ATP8B4: variants seen among roughly 807,000 people sequenced by gnomAD.
ATP8B4 encodes the protein probable phospholipid-transporting ATPase IM.
Under a neutral mutation model 145.6 loss-of-function variants are expected in ATP8B4, and 133 were observed. That is an observed-to-expected ratio of 0.91 (90% CI 0.79 to 1.05). The LOEUF (loss-of-function observed/expected upper bound fraction) is 1.05. Ranked by LOEUF, ATP8B4 falls within the 50% of genes least tolerant of loss-of-function variation. The probability of loss-of-function intolerance (pLI) is 0.00; values close to 1 mark genes in which losing one functional copy is unlikely to be tolerated. For missense variants in ATP8B4, 1,458 were observed against 1,425.2 expected (o/e 1.02, Z -0.37); for synonymous variants, 507 against 492.9 (o/e 1.03, Z -0.38).
At chr15:50,005,501 A>G (rs2048232117) in intron 7 of ATP8B4, among the ~76,000 whole-genome samples, 1 of 152,086 alleles carries the variant, frequency 6.6e-6, no homozygotes, top group Non-Finnish European at 1.5e-5. Flanking sequence ...CATTGTATGG[A>G]TGAGGAACCC....
intron 19 of ATP8B4, chr15:49,917,396 T>G (rs1171602907): frequency 5.6e-6 from 1 of 179,516 alleles, no homozygotes; most frequent in African/African-American, 2.4e-5. Context: ...GTCTGAATAC[T>G]GTCTTGGGAG....
intron 23 of ATP8B4, among the ~76,000 whole-genome samples, chr15:49,890,776 AAG>A (rs2036700207): frequency 6.6e-6 from 1 of 152,234 alleles, no homozygotes. Flanking sequence ...GGGAATGGAA[AAG>A]AGACAATGAT....
intron 23 of ATP8B4, among the ~76,000 whole-genome samples, chr15:49,881,345 C>G (rs1267013848): frequency 6.6e-6 from 1 of 152,138 alleles, no homozygotes; most frequent in Non-Finnish European, 1.5e-5. Flanking sequence ...AGTATATTAA[C>G]TGTCTTTTAT....
chr15:49,859,914 A>T lies in ATP8B4; in HGVS notation c.*280T>A, dbSNP rs763418110. 37 of 369,636 alleles carry T rather than the reference A, an allele frequency of 1.0e-4. No homozygotes were observed. Among genetic ancestry groups the T allele is most frequent in the Non-Finnish European group, 1.7e-4 (35 of 208,160 alleles). 22.9% of individuals were successfully genotyped at this position (369,636 alleles called of 1,614,324 possible). A position where few individuals can be genotyped will look rare whatever the true frequency, so the allele number is the denominator to read the frequency against. On this transcript the variant is annotated 3_prime_UTR_variant, in exon 28 of 28. Coordinates refer to ENST00000284509, the MANE Select transcript of ATP8B4 (RefSeq NM_024837.4). ...TAAATAAGATTCTAAAGTTCAGGTC[A>T]ATTGGTATCTAGGTTGATTTAAAAA...
In ATP8B4 at chr15:50,003,498, G is replaced by T. The variant is rs147727289; in HGVS notation, c.436-1275C>A. On this transcript the variant is annotated intron_variant, in intron 7 of 27. Transcript: ENST00000284509. ...AACAGAGGAAAGCCACATAAAGAAAGTGATGCCGCTCTTGGGCCAAAAACT... is the reference window on the plus strand; with the variant it reads ...AACAGAGGAAAGCCACATAAAGAAATTGATGCCGCTCTTGGGCCAAAAACT... 3.4e-4 allele frequency among the ~76,000 whole-genome samples: 52 copies of T among 152,148 alleles called. No individual in the cohort carries two copies. In the East Asian group the frequency reaches 9.7e-3, roughly 28 times the overall value.
intron 20 of ATP8B4, among the ~76,000 whole-genome samples, chr15:49,907,655 G>T (rs1432407265): frequency 1.3e-5 from 2 of 152,206 alleles, no homozygotes; most frequent in Non-Finnish European, 2.9e-5. Context: ...ATAAGATATA[G>T]AGTAGATATT....
At chr15:50,029,097 GTGGCACACGCC>G in intron 6 of ATP8B4, among the ~76,000 whole-genome samples, 1 of 152,028 alleles carries the variant, frequency 6.6e-6, no homozygotes, top group African/African-American at 2.4e-5. Flanking sequence ...GCCAGGCTTG[GTGGCACACGCC>G]TGTAGTCCCA....
chr15:50,103,849 C>T (rs1398200087), intron 2 of ATP8B4, among the ~76,000 whole-genome samples: 1 of 151,982 alleles, frequency 6.6e-6, no homozygotes, highest in African/African-American at 2.4e-5. Context: ...AGGCCCTAGG[C>T]ACCAAAACAG....
At chr15:49,923,882 C>A (rs2040477585) in intron 16 of ATP8B4, among the ~76,000 whole-genome samples, 1 of 152,128 alleles carries the variant, frequency 6.6e-6, no homozygotes, top group African/African-American at 2.4e-5. Context: ...ACCTGCTGTT[C>A]AAATCAGTAT....
At chr15:49,870,445 C>T (rs1209522535) in intron 25 of ATP8B4, among the ~76,000 whole-genome samples, 1 of 151,960 alleles carries the variant, frequency 6.6e-6, no homozygotes, top group African/African-American at 2.4e-5. Flanking sequence ...TTTTATAATT[C>T]AAATAATTGA....
chr15:49,903,326 C>G (rs578228391), intron 20 of ATP8B4, among the ~76,000 whole-genome samples: 1 of 152,206 alleles, frequency 6.6e-6, no homozygotes, highest in Non-Finnish European at 1.5e-5. Flanking sequence ...CAATGCTTAA[C>G]CACATAATAC....
At position 50,144,482 on chromosome 15, in the gene ATP8B4, C is replaced by A. The variant is rs562366592; in HGVS notation, c.-42-37474G>T. Among the ~76,000 whole-genome samples the A allele has an allele frequency of 3.3e-5, 5 of 152,226 alleles. No individual in the cohort carries two copies. In the South Asian group the frequency reaches 1.0e-3, roughly 32 times the overall value. ...CAAAGAGGAAGCAAGGCACATCTTA[C>A]GTGGCAGCAGGAGAGAAGAGCAAAA... On this transcript the variant is annotated intron_variant, in intron 1 of 3. Coordinates refer to the ATP8B4 transcript ENST00000558829.
chr15:49,913,292 A>G (rs901464188), intron 20 of ATP8B4, among the ~76,000 whole-genome samples: 1 of 152,128 alleles, frequency 6.6e-6, no homozygotes. Context: ...AGTTATCTCA[A>G]TCGATGCAGA....
rs200382600 is a variant in ATP8B4, at chr15:49,972,644, G to A, written c.1181C>T (p.Thr394Met). The change falls in exon 13 of 28, where the codon ACG becomes ATG. Residue 394 changes from threonine to methionine, a missense_variant. Thr to Met is a moderately conservative substitution (Grantham distance 81). Transcript: ENST00000284509. ...CATGATGTTTTGAGTGAGGGTACCCGTTTTGTCGGAGAAAATGTACTCAAT... is the reference window on the plus strand; with the variant it reads ...CATGATGTTTTGAGTGAGGGTACCCATTTTGTCGGAGAAAATGTACTCAAT... ...GQIEYIFSDK[T>M]GTLTQNIMTF... The A allele has an allele frequency of 1.1e-4, 185 of 1,613,892 alleles. No individual in the cohort carries two copies. The highest frequency in any genetic ancestry group is 6.6e-4 in the Middle Eastern group (4 of 6,060).
chr15:50,120,387 T>G (rs2057255812), upstream of ATP8B4, among the ~76,000 whole-genome samples: 1 of 152,144 alleles, frequency 6.6e-6, no homozygotes, highest in African/African-American at 2.4e-5. Flanking sequence ...ATATTTAAAA[T>G]AAAAAACACT....
At chr15:50,048,976 G>A (rs1483857423) in intron 3 of ATP8B4, among the ~76,000 whole-genome samples, 3 of 152,036 alleles carry the variant, frequency 2.0e-5, no homozygotes, top group Admixed American at 1.3e-4. Flanking sequence ...AGGCAGGAGC[G>A]GGAAAAACTA....
chr15:49,986,254 C>T (rs1358690363), intron 10 of ATP8B4, among the ~76,000 whole-genome samples: 1 of 152,156 alleles, frequency 6.6e-6, no homozygotes, highest in African/African-American at 2.4e-5. Context: ...GGATGAAGCA[C>T]CTCCATCTCT....
intron 1 of ATP8B4, among the ~76,000 whole-genome samples, chr15:50,175,116 C>A (rs936738481): frequency 4.6e-5 from 7 of 152,168 alleles, no homozygotes; most frequent in Non-Finnish European, 8.8e-5. Context: ...AAACTGGATC[C>A]TCATCTCTCA....
intron 7 of ATP8B4, among the ~76,000 whole-genome samples, chr15:50,004,771 A>T (rs1401534779): frequency 8.8e-6 from 1 of 113,878 alleles, no homozygotes; most frequent in East Asian, 3.3e-4. Context: ...CAGGATTTGA[A>T]TCTGGGCATA....
Sources: gnomAD v4.1 joint callset for allele counts (sites outside exome capture counted in the v4.1 genomes callset) on GRCh38, gnomAD v4.1.1 for gene constraint, MANE v1.5 for transcripts, NCBI Gene and HGNC (gene_info 2026-07-23, HGNC 2026-07-21) for gene names.